PPEF1: variants seen among roughly 807,000 people sequenced by gnomAD.
PPEF1 encodes the protein protein phosphatase with EF-hand domain 1.
Under a neutral mutation model 53.3 loss-of-function variants are expected in PPEF1, and 12 were observed. That is an observed-to-expected ratio of 0.23 (90% CI 0.14 to 0.36). The LOEUF is 0.36. Among genes scored for constraint, PPEF1 ranks in the 10% least tolerant of loss-of-function variants. The probability of loss-of-function intolerance (pLI) is 1.00; values close to 1 mark genes in which losing one functional copy is unlikely to be tolerated. For missense variants in PPEF1, 334 were observed against 490.4 expected, an observed-to-expected ratio of 0.68 and a Z score of 3.01; for synonymous variants, 165 against 176.7, an observed-to-expected ratio of 0.93 and a Z score of 0.52.
intron 9 of PPEF1, among the ~76,000 whole-genome samples, chrX:18,788,083 A>G (rs369203493): frequency 4.1e-3 from 453 of 111,687 alleles, no homozygotes; most frequent in Non-Finnish European, 5.0e-3. Flanking sequence ...TTGGGAGGCC[A>G]AGGCGGGCGG....
At chrX:18,778,196 A>G (rs772818688) in intron 6 of PPEF1, among the ~76,000 whole-genome samples, 63 of 111,813 alleles carry the variant, frequency 5.6e-4, no homozygotes, top group African/African-American at 1.9e-3. Flanking sequence ...CAAACATGAC[A>G]TCGAGAAAAT....
chrX:18,730,984 G>A (rs925384824), intron 2 of PPEF1, among the ~76,000 whole-genome samples: 5 of 111,757 alleles, frequency 4.5e-5, no homozygotes, highest in Non-Finnish European at 5.6e-5. Flanking sequence ...CAAAGTTCTG[G>A]AATTACAGGC....
chrX:18,823,236 A>G (rs932298807), intron 13 of PPEF1, among the ~76,000 whole-genome samples: 8 of 112,303 alleles, frequency 7.1e-5, no homozygotes, highest in Non-Finnish European at 1.1e-4. Flanking sequence ...AAAATTACAT[A>G]TATTAGGAGG....
intron 9 of PPEF1, among the ~76,000 whole-genome samples, chrX:18,788,186 G>A (rs749319236): frequency 1.1e-3 from 115 of 107,981 alleles, no homozygotes; most frequent in East Asian, 6.4e-3. Flanking sequence ...GCGTGGTGGC[G>A]GGCGCCTGTA....
chrX:18,675,745 C>T (rs1032549492), upstream of PPEF1, among the ~76,000 whole-genome samples: 2 of 112,129 alleles, frequency 1.8e-5, no homozygotes, highest in Non-Finnish European at 3.8e-5. Flanking sequence ...CACACGGTAA[C>T]AGCAGAGTAT....
chrX:18,818,388 T>TTTA (rs2046962555), intron 13 of PPEF1, among the ~76,000 whole-genome samples: 1 of 83,662 alleles, frequency 1.2e-5, no homozygotes, highest in African/African-American at 4.6e-5. Context: ...TTTTTTTTTT[T>TTTA]GAGACAGAGT....
At chrX:18,714,120 G>A (rs2044388370) in intron 1 of PPEF1, among the ~76,000 whole-genome samples, 1 of 111,237 alleles carries the variant, frequency 9.0e-6, no homozygotes, top group Admixed American at 9.6e-5. Flanking sequence ...ATTATTTCCT[G>A]ATTACTAACC....
chrX:18,794,399 G>C (rs1285053808), intron 10 of PPEF1, among the ~76,000 whole-genome samples: 1 of 113,124 alleles, frequency 8.8e-6, no homozygotes, highest in Admixed American at 9.3e-5. Flanking sequence ...CTTAGGAAGA[G>C]TGGCAGTGCT....
chrX:18,724,237 A>C (rs970016679), intron 1 of PPEF1, among the ~76,000 whole-genome samples: 2 of 111,699 alleles, frequency 1.8e-5, no homozygotes, highest in African/African-American at 6.5e-5. Context: ...TCTGAGCCCC[A>C]GTTTCCTTAT....
intron 6 of PPEF1, among the ~76,000 whole-genome samples, chrX:18,775,940 C>T (rs2045957213): frequency 1.0e-5 from 1 of 100,148 alleles, no homozygotes; most frequent in South Asian, 4.3e-4. Context: ...TTTCAGCTCC[C>T]CCTGCCTCCA....
chrX:18,713,557 A>G (rs2044376870), intron 1 of PPEF1, among the ~76,000 whole-genome samples: 1 of 109,053 alleles, frequency 9.2e-6, no homozygotes, highest in African/African-American at 3.3e-5. Context: ...ATCAAGGTTT[A>G]TTATGAGTTC....
intron 1 of PPEF1, among the ~76,000 whole-genome samples, chrX:18,718,910 G>A (rs780880528): frequency 8.9e-6 from 1 of 112,090 alleles, no homozygotes; most frequent in East Asian, 2.8e-4. Flanking sequence ...AATGCGGATC[G>A]TATTTGACCT....
chrX:18,702,466 G>A (rs2147268432), intron 6 of PPEF1, among the ~76,000 whole-genome samples: 1 of 106,562 alleles, frequency 9.4e-6, no homozygotes, highest in East Asian at 2.9e-4. Flanking sequence ...GCCAGAGAGG[G>A]TCGTGTCAGG....
intron 5 of PPEF1, among the ~76,000 whole-genome samples, chrX:18,759,914 G>A (rs772543491): frequency 8.9e-6 from 1 of 111,954 alleles, no homozygotes; most frequent in East Asian, 2.8e-4. Flanking sequence ...TTTATGAGCA[G>A]AACTTATGAA....
chrX:18,689,406 C>T (rs765751395), intron 3 of PPEF1, among the ~76,000 whole-genome samples: 3 of 105,688 alleles, frequency 2.8e-5, no homozygotes, highest in Non-Finnish European at 5.9e-5. Flanking sequence ...GACTTGAGCC[C>T]GGGAGGTGGA....
chrX:18,778,070 T>C (rs2046005785), intron 6 of PPEF1, among the ~76,000 whole-genome samples: 1 of 111,322 alleles, frequency 9.0e-6, no homozygotes, highest in South Asian at 3.8e-4. Flanking sequence ...AAGGAGGACA[T>C]GCATTTTTAT....
intron 4 of PPEF1, chrX:18,691,443 A>T (rs1394228120): frequency 9.0e-6 from 1 of 111,353 alleles, no homozygotes; most frequent in Non-Finnish European, 1.9e-5. Context: ...CTCACCTGTT[A>T]CAGAGCTCTG....
At chrX:18,679,617 C>A (rs1479646965), upstream of PPEF1, among the ~76,000 whole-genome samples, 1 of 111,646 alleles carries the variant, frequency 9.0e-6, no homozygotes, top group African/African-American at 3.3e-5. Flanking sequence ...CAGATCTTGG[C>A]CTTTCAGCTT....
chrX:18,693,815 G>A (rs756012827), intron 4 of PPEF1, among the ~76,000 whole-genome samples: 27 of 111,906 alleles, frequency 2.4e-4, no homozygotes, highest in African/African-American at 7.1e-4. Flanking sequence ...TGATCCACCC[G>A]CTTCGGCCTC....
Sources: gnomAD v4.1 joint callset for allele counts (sites outside exome capture counted in the v4.1 genomes callset) on GRCh38, gnomAD v4.1.1 for gene constraint, MANE v1.5 for transcripts, NCBI Gene and HGNC (gene_info 2026-07-23, HGNC 2026-07-21) for gene names.